The following DCAF1 variants were observed in gnomAD, a reference collection of about 807,000 sequenced individuals.
DCAF1 encodes the protein DDB1 and CUL4 associated factor 1.
Under a neutral mutation model 128.0 loss-of-function variants are expected in DCAF1, and 15 were observed. The observed-to-expected ratio is 0.12, with a 90% confidence interval of 0.08 to 0.18. The LOEUF (loss-of-function observed/expected upper bound fraction) is 0.18. DCAF1 is among the 10% of genes least tolerant of loss of function. The pLI is 1.00. For missense variants in DCAF1, 988 were observed against 1,649.5 expected, an observed-to-expected ratio of 0.60 and a Z score of 6.95; for synonymous variants, 610 against 603.0, an observed-to-expected ratio of 1.01 and a Z score of -0.17.
intron 24 of DCAF1, among the ~76,000 whole-genome samples, chr3:51,401,069 T>G (rs2089653341): frequency 6.8e-6 from 1 of 148,016 alleles, no homozygotes; most frequent in African/African-American, 2.5e-5. Context: ...GAGGCGGAGC[T>G]TGCAGTGAGC....
At chr3:51,487,848 CTATT>C (rs111392432) in intron 2 of DCAF1, among the ~76,000 whole-genome samples, 10,740 of 149,982 alleles carry the variant, frequency 0.072, 909 homozygotes, top group East Asian at 0.32. Flanking sequence ...GCCTACCAAA[CTATT>C]TATTTATTTA....
At chr3:51,483,974 A>T in intron 2 of DCAF1, 138 bp from the exon 3 acceptor site, 1 of 633,210 alleles carries the variant, frequency 1.6e-6, no homozygotes, top group Non-Finnish European at 2.8e-6. Context: ...AACCCTTTGG[A>T]TTTATTTGTG....
intron 23 of DCAF1, among the ~76,000 whole-genome samples, chr3:51,408,002 A>AAAC (rs1698051117): frequency 6.6e-6 from 1 of 150,978 alleles, no homozygotes; most frequent in Non-Finnish European, 1.5e-5. Context: ...AAAAAAAAAA[A>AAAC]AAAAAAACAA....
At chr3:51,496,287 C>A (rs1237253289) in intron 2 of DCAF1, among the ~76,000 whole-genome samples, 1 of 152,074 alleles carries the variant, frequency 6.6e-6, no homozygotes, top group Non-Finnish European at 1.5e-5. Context: ...ATTAGCCAGG[C>A]ATGGTGGCAC....
At chr3:51,497,851 C>A (rs950341568) in intron 1 of DCAF1, among the ~76,000 whole-genome samples, 2 of 151,794 alleles carry the variant, frequency 1.3e-5, no homozygotes, top group Middle Eastern at 3.2e-3. Flanking sequence ...ACACTCGAGA[C>A]CATCATGGCT....
intron 2 of DCAF1, among the ~76,000 whole-genome samples, chr3:51,488,495 G>A (rs1707235535): frequency 6.6e-6 from 1 of 152,042 alleles, no homozygotes; most frequent in Non-Finnish European, 1.5e-5. Flanking sequence ...GGCCAACATG[G>A]TGAAACCCTG....
At chr3:51,459,124 T>C (rs1346260197) in intron 6 of DCAF1, among the ~76,000 whole-genome samples, 1 of 152,126 alleles carries the variant, frequency 6.6e-6, no homozygotes, top group African/African-American at 2.4e-5. Flanking sequence ...ATCCAGGAGC[T>C]GGTTTTTTGA....
In DCAF1 at chr3:51,398,428, TAAGTA is replaced by T. The variant is rs1172447471; in HGVS notation, c.*336_*340del. On this transcript the variant is annotated 3_prime_UTR_variant, in exon 25 of 25. Coordinates refer to ENST00000684031, the MANE Select transcript of DCAF1 (RefSeq NM_001387579.1). Reference sequence around the variant, plus strand: ...TTATAAAAAACTATTTCTTGTTCTTTAAGTAAAGAACACTATACAAAGAAAATATA... The same window carrying T: ...TTATAAAAAACTATTTCTTGTTCTTTAAGAACACTATACAAAGAAAATATA... 8.4e-5 allele frequency: 17 copies of T among 201,512 alleles called. No individual in the cohort carries two copies. The highest frequency in any genetic ancestry group is 7.5e-4 in the Admixed American group (13 of 17,260). The allele number at this position is 201,512 out of a possible 1,614,324, so 12.5% of individuals were successfully genotyped here.
chr3:51,466,904 C>A (rs1553646700), intron 4 of DCAF1, 28 bp from the exon 5 acceptor site: 1 of 1,609,244 alleles, frequency 6.2e-7, no homozygotes, highest in Non-Finnish European at 8.5e-7. Context: ...GAGGAACAAA[C>A]AAAGGAATGA....
In DCAF1 at chr3:51,414,005, G is replaced by A. The variant is rs373181889; in HGVS notation, c.3876C>T (p.Pro1292=). The change falls in exon 20 of 25, where the codon CCC becomes CCT. Residue 1292 remains proline, a synonymous_variant. Transcript: ENST00000684031. ...ACACCACGCGACACTGATCCAGAGCGGGAACAGTATGCAAAAGATGAAAAG... is the reference window on the plus strand; with the variant it reads ...ACACCACGCGACACTGATCCAGAGCAGGAACAGTATGCAAAAGATGAAAAG... ...LRTFHLLHTV[P]ALDQCRVVFN... 338 of 1,603,936 alleles carry A rather than the reference G, an allele frequency of 2.1e-4. No individual in the cohort carries two copies. The highest frequency in any genetic ancestry group is 5.4e-4 in the East Asian group (24 of 44,442).
At chr3:51,441,197 C>T (rs150927088) in intron 8 of DCAF1, 126 bp from the exon 9 acceptor site, 15 of 1,154,808 alleles carry the variant, frequency 1.3e-5, no homozygotes, top group Admixed American at 7.3e-5. Flanking sequence ...TGAAGATAAA[C>T]GTGTAAATGC....
intron 9 of DCAF1, among the ~76,000 whole-genome samples, chr3:51,434,612 A>G (rs1700656792): frequency 6.6e-6 from 1 of 152,236 alleles, no homozygotes; most frequent in Non-Finnish European, 1.5e-5. Context: ...TTGCTCAGTG[A>G]GTCATCAACT....
At chr3:51,477,389 G>T (rs1177349828) in intron 3 of DCAF1, among the ~76,000 whole-genome samples, 1 of 151,412 alleles carries the variant, frequency 6.6e-6, no homozygotes, top group African/African-American at 2.4e-5. Context: ...ATTTGGTGAA[G>T]GAGGGAAGTT....
chr3:51,415,020 C>T (rs538348130), intron 18 of DCAF1, among the ~76,000 whole-genome samples, 163 bp from the exon 19 acceptor site: 1 of 152,158 alleles, frequency 6.6e-6, no homozygotes, highest in South Asian at 2.1e-4. Context: ...GGATTACAGG[C>T]GTGAGCCACC....
At chr3:51,444,540 C>T (rs782418282) in intron 6 of DCAF1, among the ~76,000 whole-genome samples, 13 of 152,004 alleles carry the variant, frequency 8.6e-5, no homozygotes, top group Non-Finnish European at 1.3e-4. Flanking sequence ...TTAGTAGAGA[C>T]GGGGTTTCGC....
In DCAF1 at chr3:51,456,660, C is replaced by G. The variant is rs1364979981; in HGVS notation, c.375+6454G>C. 9.2e-5 allele frequency among the ~76,000 whole-genome samples: 14 copies of G among 152,322 alleles called. 1 individual carries two copies. In the South Asian group the frequency reaches 2.9e-3, roughly 32 times the overall value. On this transcript the variant is annotated intron_variant, in intron 6 of 24. Transcript: ENST00000684031. The stretch of plus-strand genomic sequence containing the variant: ...CCAAGTAGCCTAACTGGGAGGCACC[C>G]CCCAGTAGGGGCGGACTGACACCTC...
intron 3 of DCAF1, among the ~76,000 whole-genome samples, chr3:51,472,673 T>C (rs1042069244): frequency 4.6e-5 from 7 of 151,916 alleles, no homozygotes; most frequent in African/African-American, 1.7e-4. Context: ...TTAATGCATT[T>C]TTTTTTTTTT....
At chr3:51,416,745 T>C (rs782006092) in intron 18 of DCAF1, 42 bp downstream of exon 18, 11 of 1,576,768 alleles carry the variant, frequency 7.0e-6, no homozygotes, top group Non-Finnish European at 8.6e-6. Flanking sequence ...TATGAACAAA[T>C]GGGTATGATC....
intron 6 of DCAF1, among the ~76,000 whole-genome samples, chr3:51,457,891 C>G (rs536614392): frequency 2.6e-5 from 4 of 152,288 alleles, no homozygotes; most frequent in Admixed American, 2.6e-4. Flanking sequence ...CCAGGCCTGC[C>G]TTACAAGAGC....
Sources: allele counts gnomAD v4.1 joint callset (sites outside exome capture counted in the v4.1 genomes callset), GRCh38; gene constraint gnomAD v4.1.1; transcripts MANE v1.5; gene names NCBI Gene and HGNC (gene_info 2026-07-23, HGNC 2026-07-21).